CRHBP: variants seen among roughly 807,000 people sequenced by gnomAD.
CRHBP encodes the protein corticotropin releasing hormone binding protein, also known as corticotropin-releasing hormone-binding protein.
A neutral mutation model predicts 34.9 loss-of-function variants in CRHBP; 19 were observed. That is an observed-to-expected ratio of 0.55 (90% CI 0.38 to 0.80). CRHBP has a LOEUF of 0.80. CRHBP is among the 30% of genes least tolerant of loss of function. The pLI is 0.00. For synonymous variants in CRHBP, 154 were observed against 153.4 expected (o/e 1.00, Z -0.03); for missense variants, 328 against 409.2 (o/e 0.80, Z 1.71).
chr5:76,954,205 G>A lies in CRHBP; in HGVS notation c.333+19G>A, dbSNP rs1217679004. The A allele has an allele frequency of 1.2e-6, 2 of 1,608,044 alleles. No homozygotes were observed. The highest frequency in any genetic ancestry group is 1.7e-5 in the Admixed American group (1 of 59,500). ...CCTGAAGGTGAGGCGCCCACGGCCA[G>A]CCAACCTAGCCGGAGGGCGGCACGG... On this transcript the variant is annotated intron_variant, in intron 3 of 6. Transcript: ENST00000274368.
chr5:76,956,612 G>A (rs1412687549), intron 4 of CRHBP, among the ~76,000 whole-genome samples: 1 of 152,058 alleles, frequency 6.6e-6, no homozygotes, highest in East Asian at 1.9e-4. Context: ...GTGGGCGCCT[G>A]TAGTCCCAGC....
At chr5:76,956,550 A>G (rs32898) in intron 4 of CRHBP, among the ~76,000 whole-genome samples, 98,108 of 152,052 alleles carry the variant, frequency 0.65, 32,837 homozygotes, top group African/African-American at 0.83. Context: ...CCTGGCTAAC[A>G]CAGTGAAACC....
At chr5:76,956,427 C>A (rs1745669426) in intron 4 of CRHBP, among the ~76,000 whole-genome samples, 1 of 152,204 alleles carries the variant, frequency 6.6e-6, no homozygotes, top group Admixed American at 6.5e-5. Context: ...CAGCCCAGGT[C>A]TAAAGCATAT....
At chr5:76,966,531 C>T (rs893787314) in intron 6 of CRHBP, among the ~76,000 whole-genome samples, 6 of 152,048 alleles carry the variant, frequency 3.9e-5, no homozygotes, top group African/African-American at 7.2e-5. Flanking sequence ...GGGGGAGATG[C>T]GGTTTTTCCT....
rs138480000 is a variant in CRHBP at position 76,969,124 on chromosome 5, T to A, written c.*239T>A. ...AGAAAATAACCCCTGATTGGTAGGA[T>A]CATAGTTCTAAATGGAAATGTTTGT... On this transcript the variant is annotated 3_prime_UTR_variant, in exon 7 of 7. Coordinates refer to ENST00000274368, the MANE Select transcript of CRHBP (RefSeq NM_001882.4). 1.8e-4 allele frequency: 72 copies of A among 392,146 alleles called. No homozygotes were observed. The highest frequency in any genetic ancestry group is 1.4e-3 in the African/African-American group (66 of 48,432). 24.3% of individuals were successfully genotyped at this position (392,146 alleles called of 1,614,324 possible). A position where few individuals can be genotyped will look rare whatever the true frequency, so the allele number is the denominator to read the frequency against.
chr5:76,974,481 G>A (rs1186042504), intron 2 of CRHBP, among the ~76,000 whole-genome samples: 1 of 148,630 alleles, frequency 6.7e-6, no homozygotes, highest in Non-Finnish European at 1.5e-5. Context: ...AGGCAACATT[G>A]CCAGTTTGTC....
chr5:76,958,983 T>C (rs1011008963), intron 5 of CRHBP, 94 bp downstream of exon 5: 13 of 1,345,032 alleles, frequency 9.7e-6, no homozygotes, highest in Non-Finnish European at 1.2e-5. Flanking sequence ...CACTAGCAAA[T>C]TGGCGTAGTA....
At chr5:76,953,890 C>G (rs1745619310) in intron 2 of CRHBP, 139 bp from the exon 3 acceptor site, 1 of 1,225,474 alleles carries the variant, frequency 8.2e-7, no homozygotes, top group Middle Eastern at 2.9e-4. Flanking sequence ...GGCGCAGGAA[C>G]CCAGCGCAGC....
chr5:76,957,629 C>T (rs1455322119), intron 4 of CRHBP, among the ~76,000 whole-genome samples: 1 of 152,108 alleles, frequency 6.6e-6, no homozygotes, highest in African/African-American at 2.4e-5. Context: ...CGTGATCCAC[C>T]CGCCTCGGCC....
intron 3 of CRHBP, 69 bp from the exon 4 acceptor site, chr5:76,955,584 T>C: frequency 6.9e-7 from 1 of 1,446,938 alleles, no homozygotes; most frequent in Non-Finnish European, 9.5e-7. Context: ...TTTCCCCCCC[T>C]TTTCAACTCA....
At chr5:76,978,238 A>G (rs530475082) in intron 3 of CRHBP, among the ~76,000 whole-genome samples, 2 of 152,254 alleles carry the variant, frequency 1.3e-5, no homozygotes, top group African/African-American at 2.4e-5. Flanking sequence ...CTGATTTTCA[A>G]TGTAGACAAA....
intron 4 of CRHBP, among the ~76,000 whole-genome samples, chr5:76,956,490 C>T (rs776689134): frequency 1.1e-4 from 17 of 152,254 alleles, no homozygotes; most frequent in Non-Finnish European, 2.2e-4. Context: ...AATCCCAGCA[C>T]TTTGGGAGGC....
At chr5:76,977,568 A>G (rs2150712311) in intron 3 of CRHBP, among the ~76,000 whole-genome samples, 1 of 152,336 alleles carries the variant, frequency 6.6e-6, no homozygotes, top group Non-Finnish European at 1.5e-5. Context: ...CCCATAGAAG[A>G]CAGTGAACTT....
At chr5:76,977,176 A>G (rs1214921724) in intron 3 of CRHBP, among the ~76,000 whole-genome samples, 1 of 152,242 alleles carries the variant, frequency 6.6e-6, no homozygotes, top group Non-Finnish European at 1.5e-5. Flanking sequence ...GTTTAAAAAC[A>G]AAACAAAACA....
chr5:76,976,162 A>C, intron 2 of CRHBP, among the ~76,000 whole-genome samples: 1 of 151,770 alleles, frequency 6.6e-6, no homozygotes, highest in African/African-American at 2.4e-5. Context: ...AGATCTCTCT[A>C]ATAAATTGGG....
At chr5:76,953,894 G>T in intron 2 of CRHBP, 135 bp from the exon 3 acceptor site, 2 of 1,246,766 alleles carry the variant, frequency 1.6e-6, no homozygotes, top group Non-Finnish European at 2.2e-6. Context: ...CAGGAACCCA[G>T]CGCAGCCTAG....
At chr5:76,961,549 A>G (rs1250804808) in intron 5 of CRHBP, among the ~76,000 whole-genome samples, 1 of 152,216 alleles carries the variant, frequency 6.6e-6, no homozygotes, top group East Asian at 1.9e-4. Context: ...CAGTGGGGCT[A>G]ATTAAACCTC....
At chr5:76,972,124 C>A (rs1200499988), downstream of CRHBP, among the ~76,000 whole-genome samples, 1 of 151,952 alleles carries the variant, frequency 6.6e-6, no homozygotes, top group African/African-American at 2.4e-5. Context: ...GCCTCAACTT[C>A]CTGGGGTCAA....
chr5:76,968,829 G>A lies in CRHBP; in HGVS notation c.913G>A (p.Glu305Lys), dbSNP rs1407656696. The change falls in exon 7 of 7, where the codon GAG becomes AAG. Residue 305 changes from glutamate (E) to lysine (K), a missense_variant. Physicochemically the swap from Glu to Lys is moderately conservative, Grantham distance 56. Transcript: ENST00000274368. ...TFEYRQLEPY[E>K]LENPNGNSIG... ...TGAGTATCGTCAGCTGGAGCCGTACGAGCTGGAAAACCCAAATGGAAACAG... is the reference window on the plus strand; with the variant it reads ...TGAGTATCGTCAGCTGGAGCCGTACAAGCTGGAAAACCCAAATGGAAACAG... 14 of 1,614,028 alleles carry A rather than the reference G, an allele frequency of 8.7e-6. No individual in the cohort carries two copies. Among genetic ancestry groups the A allele is most frequent in the African/African-American group, 8.0e-5 (6 of 74,930 alleles).
Sources: allele counts gnomAD v4.1 joint callset (sites outside exome capture counted in the v4.1 genomes callset), GRCh38; gene constraint gnomAD v4.1.1; transcripts MANE v1.5; gene names NCBI Gene and HGNC (gene_info 2026-07-23, HGNC 2026-07-21).